AGBL2: variants seen among roughly 807,000 people sequenced by gnomAD.
AGBL2 encodes cytosolic carboxypeptidase 2.
A neutral mutation model predicts 103.0 loss-of-function variants in AGBL2; 87 were observed. The ratio of observed to expected loss-of-function variants is 0.84; its 90% CI spans 0.71 to 1.01. The LOEUF (loss-of-function observed/expected upper bound fraction) is 1.01. AGBL2 is among the 50% of genes least tolerant of loss of function. The pLI is 0.00. For missense variants in AGBL2, 904 were observed against 1,023.5 expected (o/e 0.88, Z 1.59); for synonymous variants, 335 against 356.7 (o/e 0.94, Z 0.69).
intron 16 of AGBL2, 49 bp from the exon 17 acceptor site, chr11:47,667,112 T>A: frequency 1.5e-6 from 2 of 1,299,616 alleles, no homozygotes; most frequent in Non-Finnish European, 2.1e-6. Context: ...TATTCAAAAT[T>A]GATCCAATTT....
At chr11:47,701,894 A>G (rs548090574) in intron 7 of AGBL2, among the ~76,000 whole-genome samples, 1 of 151,532 alleles carries the variant, frequency 6.6e-6, no homozygotes, top group East Asian at 1.9e-4. Flanking sequence ...AAGCACTTGA[A>G]CCTGGGAGGC....
intron 18 of AGBL2, among the ~76,000 whole-genome samples, chr11:47,660,883 A>G (rs186928754): frequency 1.3e-5 from 2 of 152,284 alleles, no homozygotes; most frequent in South Asian, 2.1e-4. Context: ...ATTGCCCCCA[A>G]AAGCAGAAGG....
intron 3 of AGBL2, among the ~76,000 whole-genome samples, chr11:47,713,038 G>A (rs748020235): frequency 6.1e-5 from 9 of 146,422 alleles, no homozygotes; most frequent in South Asian, 2.2e-4. Context: ...GCATAACTCC[G>A]TCTCAAGAAT....
chr11:47,704,819 T>C, intron 6 of AGBL2, 91 bp from the exon 7 acceptor site: 1 of 1,005,476 alleles, frequency 9.9e-7, no homozygotes. Context: ...ATTTTAAGCA[T>C]TATATTAAAA....
intron 13 of AGBL2, 117 bp downstream of exon 13, chr11:47,679,856 G>A (rs2097394596): frequency 3.4e-6 from 2 of 596,258 alleles, no homozygotes; most frequent in Non-Finnish European, 3.0e-6. Context: ...TGCCCAGGCT[G>A]GTCTTGAACT....
intron 9 of AGBL2, 83 bp from the exon 10 acceptor site, chr11:47,690,941 T>A: frequency 9.2e-7 from 1 of 1,092,218 alleles, no homozygotes; most frequent in Non-Finnish European, 1.3e-6. Context: ...TTTCTCCTGG[T>A]AAAAACAGGT....
At chr11:47,703,962 G>T (rs116260529) in intron 7 of AGBL2, among the ~76,000 whole-genome samples, 11 of 150,570 alleles carry the variant, frequency 7.3e-5, no homozygotes, top group Admixed American at 4.0e-4. Flanking sequence ...CTAGCCAGGC[G>T]TGGTGGCCAG....
chr11:47,687,565 A>G (rs2153804064), intron 10 of AGBL2, among the ~76,000 whole-genome samples: 1 of 151,272 alleles, frequency 6.6e-6, no homozygotes, highest in East Asian at 1.9e-4. Context: ...AAAAAAAAAA[A>G]GTGTGGCACC....
Position 47,704,647 on chromosome 11 carries a change from C to G in AGBL2, c.482G>C (p.Arg161Pro). 1 of 1,613,988 alleles carries G rather than the reference C, an allele frequency of 6.2e-7. No individual in the cohort carries two copies. The highest frequency in any genetic ancestry group is 1.3e-5 in the African/African-American group (1 of 75,008). ...AATGGAAAAGAGCTCTTGGGGTTCT[C>G]GAAGACGTGGGTTTACTTCATCCAA... ...DELDEVNPRL[R>P]EPQELFSILS... Residue 161 changes from arginine to proline, a missense_variant, in exon 7 of 19, where the codon CGA (arginine) becomes CCA (proline). Arg to Pro is a moderately radical substitution (Grantham distance 103). Transcript: ENST00000525123.
chr11:47,660,385 T>C, intron 18 of AGBL2, 39 bp from the exon 19 acceptor site: 1 of 1,571,716 alleles, frequency 6.4e-7, no homozygotes. Context: ...ATTCAGTTTA[T>C]TTTGCCATTT....
At chr11:47,677,236 T>A (rs2097379015) in intron 14 of AGBL2, 35 bp downstream of exon 14, 45 of 1,452,994 alleles carry the variant, frequency 3.1e-5, no homozygotes, top group East Asian at 1.5e-4. Flanking sequence ...ACAAAGTATT[T>A]AAAAAAAAAC....
intron 8 of AGBL2, among the ~76,000 whole-genome samples, chr11:47,696,529 G>T (rs2097474788): frequency 6.6e-6 from 1 of 152,114 alleles, no homozygotes; most frequent in Non-Finnish European, 1.5e-5. Flanking sequence ...CTCCTAAAGT[G>T]CTGGGATTAG....
intron 14 of AGBL2, among the ~76,000 whole-genome samples, chr11:47,669,446 G>A (rs2097350698): frequency 1.3e-5 from 2 of 152,064 alleles, no homozygotes; most frequent in Admixed American, 1.3e-4. Context: ...AAGGTGGGTG[G>A]ATCACCTTGG....
At chr11:47,672,164 T>C (rs2097359556) in intron 14 of AGBL2, among the ~76,000 whole-genome samples, 1 of 152,196 alleles carries the variant, frequency 6.6e-6, no homozygotes, top group Non-Finnish European at 1.5e-5. Context: ...TTGACCAAGC[T>C]GGTCTCCAAC....
At chr11:47,697,997 G>A (rs1407689108) in intron 8 of AGBL2, among the ~76,000 whole-genome samples, 2 of 151,446 alleles carry the variant, frequency 1.3e-5, no homozygotes, top group East Asian at 3.9e-4. Context: ...GAGTAGCTGG[G>A]TTTACAGGCG....
chr11:47,685,897 T>C lies in AGBL2; in HGVS notation c.1784A>G (p.Asp595Gly), dbSNP rs772520774. 8 of 1,613,948 alleles carry C rather than the reference T, an allele frequency of 5.0e-6. No homozygotes were observed. The highest frequency in any genetic ancestry group is 6.8e-6 in the Non-Finnish European group (8 of 1,179,938). ...FPLMLCKNAP[D>G]KFSFHSCNFK... Reference sequence around the variant, plus strand: ...AAAATTACATTATGTGCTTACCTTATCTGGTGCATTTTTGCATAACATTAA... The same window carrying C: ...AAAATTACATTATGTGCTTACCTTACCTGGTGCATTTTTGCATAACATTAA... The change falls in exon 11 of 19, where the codon GAT becomes GGT. Residue 595 changes from aspartate (D) to glycine (G), a missense_variant. Transcript: ENST00000525123.
In AGBL2 at chr11:47,663,102, T is replaced by C; in HGVS notation, c.2459A>G (p.Asn820Ser). 6.3e-7 allele frequency: 1 copy of C among 1,587,468 alleles called. No homozygotes were observed. Among genetic ancestry groups the C allele is most frequent in the South Asian group, 1.2e-5 (1 of 85,614 alleles). ...ENPRLNETNLNRRDKDTPLDP... is the reference protein window; with the variant it reads ...ENPRLNETNLSRRDKDTPLDP... Reference sequence around the variant, plus strand: ...CAGGGGGGTGTCTTTGTCTCTTCTATTTAAATTTGTCTAAAATAAATGAAC... The same window carrying C: ...CAGGGGGGTGTCTTTGTCTCTTCTACTTAAATTTGTCTAAAATAAATGAAC... Residue 820 changes from asparagine to serine, a missense_variant, in exon 18 of 19, where the codon AAT becomes AGT. By Grantham distance (46) the Asn-to-Ser change is conservative. Coordinates refer to ENST00000525123, the MANE Select transcript of AGBL2 (RefSeq NM_024783.4).
chr11:47,712,397 T>A (rs1179903989), intron 3 of AGBL2, among the ~76,000 whole-genome samples: 1 of 152,138 alleles, frequency 6.6e-6, no homozygotes, highest in Non-Finnish European at 1.5e-5. Context: ...GTAACAAAGT[T>A]AGGAAATTAA....
At chr11:47,702,929 C>A (rs74670864) in intron 7 of AGBL2, among the ~76,000 whole-genome samples, 3 of 151,878 alleles carry the variant, frequency 2.0e-5, no homozygotes, top group Admixed American at 6.6e-5. Flanking sequence ...CAGAGACATA[C>A]GTGATGTTTG....
Sources: gnomAD v4.1 joint callset for allele counts (sites outside exome capture counted in the v4.1 genomes callset) on GRCh38, gnomAD v4.1.1 for gene constraint, MANE v1.5 for transcripts, NCBI Gene and HGNC (gene_info 2026-07-23, HGNC 2026-07-21) for gene names.